PDZD2: variants seen among roughly 807,000 people sequenced by gnomAD.
PDZD2 encodes the protein PDZ domain-containing protein 2.
Under a neutral mutation model 220.7 loss-of-function variants are expected in PDZD2, and 90 were observed. That is an observed-to-expected ratio of 0.41 (90% CI 0.34 to 0.49). The LOEUF is 0.49. PDZD2 is among the 20% of genes least tolerant of loss of function. PDZD2 has a pLI of 0.28. For synonymous variants in PDZD2, 1,375 were observed against 1,450.5 expected, an observed-to-expected ratio of 0.95 and a Z score of 1.18; for missense variants, 3,174 against 3,608.5, an observed-to-expected ratio of 0.88 and a Z score of 3.08.
chr5:32,048,405 C>A, intron 7 of PDZD2, 134 bp from the exon 8 acceptor site: 1 of 687,268 alleles, frequency 1.5e-6, no homozygotes, highest in Non-Finnish European at 2.5e-6. Flanking sequence ...AGGCTCTGTG[C>A]TTTGAGTGTA....
chr5:31,952,653 T>G (rs1747284107), intron 2 of PDZD2, among the ~76,000 whole-genome samples: 4 of 152,208 alleles, frequency 2.6e-5, no homozygotes, highest in Admixed American at 2.6e-4. Context: ...TTCCTATCTA[T>G]AAATAAATAC....
intron 2 of PDZD2, among the ~76,000 whole-genome samples, chr5:31,867,649 G>C (rs1738352724): frequency 6.6e-6 from 1 of 152,134 alleles, no homozygotes; most frequent in Admixed American, 6.5e-5. Context: ...GCTTCAAGTT[G>C]GATTCAGATG....
At chr5:31,911,563 G>C (rs188100713) in intron 2 of PDZD2, among the ~76,000 whole-genome samples, 1 of 152,200 alleles carries the variant, frequency 6.6e-6, no homozygotes, top group African/African-American at 2.4e-5. Flanking sequence ...TTTTCTTGCC[G>C]AGTCTGGCAG....
At chr5:31,768,354 G>A (rs1752147204) in intron 1 of PDZD2, among the ~76,000 whole-genome samples, 1 of 151,986 alleles carries the variant, frequency 6.6e-6, no homozygotes, top group South Asian at 2.1e-4. Flanking sequence ...TTAGAACCGA[G>A]ACAAAAGGCC....
chr5:31,649,426 A>G (rs1348247247), intron 1 of PDZD2, among the ~76,000 whole-genome samples: 1 of 151,762 alleles, frequency 6.6e-6, no homozygotes, highest in Admixed American at 6.6e-5. Flanking sequence ...GATCTTCACA[A>G]GAACATATGA....
At chr5:31,696,000 C>G (rs1483888096) in intron 1 of PDZD2, among the ~76,000 whole-genome samples, 1 of 152,174 alleles carries the variant, frequency 6.6e-6, no homozygotes, top group Non-Finnish European at 1.5e-5. Context: ...TCACCCTTCT[C>G]TATTTCCATA....
chr5:31,886,800 C>G (rs887551828), intron 2 of PDZD2, among the ~76,000 whole-genome samples: 1 of 152,066 alleles, frequency 6.6e-6, no homozygotes, highest in African/African-American at 2.4e-5. Context: ...CGGGTTCACG[C>G]CATTCTCCTG....
At position 32,064,373 on chromosome 5, in the gene PDZD2, C is replaced by T. The variant is rs909133942; in HGVS notation, c.2451+3239C>T. Among the ~76,000 whole-genome samples, 5 of 151,946 alleles carry T rather than the reference C, an allele frequency of 3.3e-5. No homozygotes were observed. The South Asian group carries it at 1.0e-3, about 32-fold the overall frequency. On this transcript the variant is annotated intron_variant, in intron 14 of 24. Coordinates refer to ENST00000438447, the MANE Select transcript of PDZD2 (RefSeq NM_178140.4). The stretch of plus-strand genomic sequence containing the variant: ...TCTCCTGCCTCAGCCTCCCGAGTAG[C>T]TGGGATTATAGGCGGGCGCTGCCAC...
In PDZD2 at chr5:31,893,269, G is replaced by A. The variant is rs17508915; in HGVS notation, c.477-89886G>A. Among the ~76,000 whole-genome samples, 1,193 of 152,074 alleles carry A rather than the reference G, an allele frequency of 7.8e-3. 5 individuals are homozygous for A. Among genetic ancestry groups the A allele is most frequent in the Middle Eastern group, 0.017 (5 of 294 alleles). ...CTTAGCCTGCCATTGATTGTGGTTC[G>A]CATTTAAAAACAAAAACCTGGCTGG... On this transcript the variant is annotated intron_variant, in intron 2 of 24. Coordinates refer to ENST00000438447, the MANE Select transcript of PDZD2 (RefSeq NM_178140.4).
chr5:32,031,382 GA>G (rs1328792942), intron 6 of PDZD2, among the ~76,000 whole-genome samples: 1 of 152,106 alleles, frequency 6.6e-6, no homozygotes, highest in Non-Finnish European at 1.5e-5. Context: ...CGCCTATTCT[GA>G]TCAGGGACCA....
intron 19 of PDZD2, among the ~76,000 whole-genome samples, chr5:32,086,909 G>T (rs1053558478): frequency 7.2e-6 from 1 of 138,086 alleles, no homozygotes; most frequent in Non-Finnish European, 1.5e-5. Context: ...GGCTGGTCTC[G>T]AACTCCTGAC....
intron 18 of PDZD2, among the ~76,000 whole-genome samples, chr5:32,076,870 A>G (rs1452581060): frequency 3.9e-5 from 6 of 152,218 alleles, no homozygotes; most frequent in Non-Finnish European, 5.9e-5. Context: ...TGAAAGACAT[A>G]TTATCCCTTT....
At chr5:31,686,503 A>G (rs928836845) in intron 1 of PDZD2, among the ~76,000 whole-genome samples, 1 of 151,874 alleles carries the variant, frequency 6.6e-6, no homozygotes, top group Non-Finnish European at 1.5e-5. Context: ...AGCTGGGATT[A>G]CAGGCACCCA....
At chr5:32,107,271 A>G (rs968307832) in intron 24 of PDZD2, 1 of 152,220 alleles carries the variant, frequency 6.6e-6, no homozygotes, top group Non-Finnish European at 1.5e-5. Flanking sequence ...GTAAGTAAGT[A>G]GTCCCCATGG....
intron 7 of PDZD2, among the ~76,000 whole-genome samples, chr5:32,038,595 C>T (rs1755753337): frequency 6.6e-6 from 1 of 151,662 alleles, no homozygotes; most frequent in Non-Finnish European, 1.5e-5. Flanking sequence ...CTATTCATTA[C>T]TATTACGTTT....
chr5:32,038,036 G>T (rs1755694405), intron 7 of PDZD2, among the ~76,000 whole-genome samples: 1 of 149,656 alleles, frequency 6.7e-6, no homozygotes, highest in East Asian at 2.0e-4. Context: ...TGGAGACAAG[G>T]TTTCACCATG....
At chr5:32,022,665 C>T (rs1754316333) in intron 6 of PDZD2, among the ~76,000 whole-genome samples, 1 of 152,042 alleles carries the variant, frequency 6.6e-6, no homozygotes, top group Admixed American at 6.6e-5. Context: ...CACAGGAACA[C>T]CTGCAGAAAC....
At chr5:31,952,995 C>T (rs112426163) in intron 2 of PDZD2, among the ~76,000 whole-genome samples, 4,092 of 147,688 alleles carry the variant, frequency 0.028, 182 homozygotes, top group African/African-American at 0.095. Context: ...GAGGCAGAGG[C>T]TGCAGTGAGT....
At chr5:31,961,162 A>G (rs1748185897) in intron 2 of PDZD2, among the ~76,000 whole-genome samples, 1 of 152,152 alleles carries the variant, frequency 6.6e-6, no homozygotes, top group Non-Finnish European at 1.5e-5. Flanking sequence ...TTCAGCCTTC[A>G]TGTCCCACAA....
Sources: allele counts gnomAD v4.1 joint callset (sites outside exome capture counted in the v4.1 genomes callset), GRCh38; gene constraint gnomAD v4.1.1; transcripts MANE v1.5; gene names NCBI Gene and HGNC (gene_info 2026-07-23, HGNC 2026-07-21).